The following PPM1H variants were observed in gnomAD, a reference collection of about 807,000 sequenced individuals.
PPM1H encodes protein phosphatase, Mg2+/Mn2+ dependent 1H.
Under a neutral mutation model 54.9 loss-of-function variants are expected in PPM1H, and 27 were observed. The ratio of observed to expected loss-of-function variants is 0.49; its 90% CI spans 0.36 to 0.68. The LOEUF is 0.68. Among genes scored for constraint, PPM1H ranks in the 30% least tolerant of loss-of-function variants. The pLI is 0.00. For synonymous variants in PPM1H, 305 were observed against 270.8 expected, an observed-to-expected ratio of 1.13 and a Z score of -1.24; for missense variants, 596 against 667.8, an observed-to-expected ratio of 0.89 and a Z score of 1.19.
Position 62,720,197 on chromosome 12 carries a change from G to A in PPM1H, c.1047C>T (p.Leu349=), listed in dbSNP as rs2076256041. ...VQRKELGKKM[L]YRDFNMTGWA... is the part of the protein sequence containing the mutation. ...AGCCTGTCATATTAAAGTCCCTGTA[G>A]AGCATCTTCTTTCCAAGCTCCTTTC... Residue 349 remains leucine, a synonymous_variant, in exon 6 of 10, where the codon CTC becomes CTT. Coordinates refer to ENST00000228705, the MANE Select transcript of PPM1H (RefSeq NM_020700.2). 6.2e-7 allele frequency: 1 copy of A among 1,611,000 alleles called. No homozygotes were observed. Among genetic ancestry groups the A allele is most frequent in the Non-Finnish European group, 8.5e-7 (1 of 1,177,330 alleles).
At chr12:62,857,011 G>A (rs956811257) in intron 1 of PPM1H, among the ~76,000 whole-genome samples, 6 of 152,284 alleles carry the variant, frequency 3.9e-5, no homozygotes, top group Non-Finnish European at 8.8e-5. Context: ...TAGGTCTAAT[G>A]TGTATATGTG....
intron 8 of PPM1H, among the ~76,000 whole-genome samples, chr12:62,677,776 TC>T (rs1474161144): frequency 6.6e-6 from 1 of 152,312 alleles, no homozygotes; most frequent in African/African-American, 2.4e-5. Flanking sequence ...CACAGTGGTT[TC>T]CGGCTGGTGA....
intron 1 of PPM1H, among the ~76,000 whole-genome samples, chr12:62,911,561 G>C (rs1871461460): frequency 6.6e-6 from 1 of 152,160 alleles, no homozygotes; most frequent in Non-Finnish European, 1.5e-5. Context: ...AGCTCCTCTT[G>C]AGCCTCATCT....
intron 6 of PPM1H, among the ~76,000 whole-genome samples, chr12:62,713,364 G>A (rs780344699): frequency 2.6e-5 from 4 of 152,186 alleles, no homozygotes; most frequent in Non-Finnish European, 4.4e-5. Flanking sequence ...CCTCATCCAG[G>A]AGATAGGGGA....
intron 1 of PPM1H, among the ~76,000 whole-genome samples, chr12:62,836,039 C>T (rs1234287969): frequency 6.6e-6 from 1 of 152,214 alleles, no homozygotes; most frequent in Non-Finnish European, 1.5e-5. Flanking sequence ...GGCACCACTC[C>T]ATTGCTGTAT....
chr12:62,746,919 C>T (rs2076415287), intron 4 of PPM1H, among the ~76,000 whole-genome samples: 1 of 152,156 alleles, frequency 6.6e-6, no homozygotes. Flanking sequence ...GAGAAATCTT[C>T]AGATTCATGC....
Position 62,934,685 on chromosome 12 carries a change from C to T in PPM1H, c.52G>A (p.Ala18Thr). 2 of 1,606,982 alleles carry T rather than the reference C, an allele frequency of 1.2e-6. No homozygotes were observed. Among genetic ancestry groups the T allele is most frequent in the Non-Finnish European group, 1.7e-6 (2 of 1,176,852 alleles). The change falls in exon 1 of 10, where the codon GCT becomes ACT. Residue 18 changes from alanine to threonine, a missense_variant. This residue lies in a region of PPM1H where 382 missense variants were observed against 387.1 expected (regional missense o/e 0.99). Coordinates refer to ENST00000228705, the MANE Select transcript of PPM1H (RefSeq NM_020700.2). This position sits in a 1 kb window ranked among gnomAD's most constrained non-coding sequence, Gnocchi z 4.2. ...CCGTGCTCGGAGCCTGAGCTGCCAG[C>T]CATGATGCCGCCCATGAAATTGGCC... ...AVANFMGGIMAGSSGSEHGGG... is the reference protein window; with the variant it reads ...AVANFMGGIMTGSSGSEHGGG...
At chr12:62,903,811 A>C (rs977280685) in intron 1 of PPM1H, among the ~76,000 whole-genome samples, 4 of 152,216 alleles carry the variant, frequency 2.6e-5, no homozygotes, top group African/African-American at 9.6e-5. Context: ...ATGAACATTC[A>C]GTCAAAATAT....
chr12:62,777,310 T>A (rs1279148408), intron 4 of PPM1H, among the ~76,000 whole-genome samples: 4 of 152,180 alleles, frequency 2.6e-5, no homozygotes, highest in Non-Finnish European at 2.9e-5. Flanking sequence ...CCTTGCCTGT[T>A]ACACTGCATT....
intron 5 of PPM1H, among the ~76,000 whole-genome samples, chr12:62,727,887 C>T (rs1272691889): frequency 6.6e-6 from 1 of 151,914 alleles, no homozygotes. Context: ...TCTTGACCTC[C>T]AGACCTCAGG....
At chr12:62,656,683 A>G (rs1387675865) in intron 9 of PPM1H, among the ~76,000 whole-genome samples, 1 of 152,142 alleles carries the variant, frequency 6.6e-6, no homozygotes, top group Non-Finnish European at 1.5e-5. Flanking sequence ...AAATATTTGC[A>G]TATAAAAGGC....
intron 6 of PPM1H, among the ~76,000 whole-genome samples, chr12:62,703,702 C>T (rs2280068): frequency 0.1 from 15,661 of 152,024 alleles, 1,146 homozygotes; most frequent in African/African-American, 0.2. Flanking sequence ...CTTGGCATGA[C>T]CCCAGTTAAG....
intron 4 of PPM1H, among the ~76,000 whole-genome samples, chr12:62,748,529 AACACAC>A (rs3052402): frequency 0.053 from 7,796 of 147,308 alleles, 386 homozygotes; most frequent in African/African-American, 0.14. Flanking sequence ...TTCAGTGTAG[AACACAC>A]ACACACACAC....
chr12:62,770,202 T>C (rs186128071), intron 4 of PPM1H, among the ~76,000 whole-genome samples: 1 of 152,164 alleles, frequency 6.6e-6, no homozygotes, highest in Non-Finnish European at 1.5e-5. Flanking sequence ...AAAACACTTA[T>C]TGAGCATTTA....
chr12:62,843,393 G>T (rs1009731085), intron 1 of PPM1H, among the ~76,000 whole-genome samples: 2 of 152,202 alleles, frequency 1.3e-5, no homozygotes, highest in African/African-American at 4.8e-5. Flanking sequence ...AACTGTAAAC[G>T]TGAGAAAGGT....
intron 4 of PPM1H, among the ~76,000 whole-genome samples, chr12:62,740,872 C>T (rs2076377727): frequency 6.6e-6 from 1 of 152,176 alleles, no homozygotes; most frequent in South Asian, 2.1e-4. Context: ...TGCATGCTCA[C>T]AAAGATAGCC....
chr12:62,793,311 TTG>T (rs2076710819), intron 3 of PPM1H, among the ~76,000 whole-genome samples: 1 of 152,094 alleles, frequency 6.6e-6, no homozygotes, highest in South Asian at 2.1e-4. Context: ...TTATCTTCTG[TTG>T]TGTCTGCTTA....
chr12:62,934,790 C>T lies in PPM1H; in HGVS notation c.-54G>A. 2.1e-6 allele frequency: 3 copies of T among 1,424,542 alleles called. No individual in the cohort carries two copies. Among genetic ancestry groups the T allele is most frequent in the Non-Finnish European group, 2.8e-6 (3 of 1,086,570 alleles). The allele number at this position is 1,424,542 out of a possible 1,614,324, so 88.2% of individuals were successfully genotyped here. ...CGAGCAGGAGGCGGCGGGGGCCGGGCAAGGCGCAGCGCGGGGCATGCAGGC... is the reference window on the plus strand; with the variant it reads ...CGAGCAGGAGGCGGCGGGGGCCGGGTAAGGCGCAGCGCGGGGCATGCAGGC... On this transcript the variant is annotated 5_prime_UTR_variant, in exon 1 of 10. Transcript: ENST00000228705. This position sits in a 1 kb window ranked among gnomAD's most constrained non-coding sequence, Gnocchi z 4.2.
intron 1 of PPM1H, among the ~76,000 whole-genome samples, chr12:62,841,711 G>C (rs781132969): frequency 2.0e-5 from 3 of 152,180 alleles, no homozygotes; most frequent in Non-Finnish European, 4.4e-5. Context: ...GGCATTAGTA[G>C]TAACATTAGC....
Sources: gnomAD v4.1 joint callset for allele counts (sites outside exome capture counted in the v4.1 genomes callset) on GRCh38, gnomAD v4.1.1 for gene constraint, gnomAD v4.1.1 regional missense constraint, Gnocchi (gnomAD v3.1) non-coding constraint, MANE v1.5 for transcripts, NCBI Gene and HGNC (gene_info 2026-07-23, HGNC 2026-07-21) for gene names.